Variants in METTL25 observed in about 807,000 individuals in gnomAD.
The protein encoded by METTL25 is methyltransferase like 25.
A neutral mutation model predicts 71.6 loss-of-function variants in METTL25; 64 were observed. The ratio of observed to expected loss-of-function variants is 0.89; its 90% CI spans 0.73 to 1.10. METTL25 has a LOEUF of 1.10. Among genes scored for constraint, METTL25 ranks in the 50% least tolerant of loss-of-function variants. The pLI is 0.00. For missense variants in METTL25, 807 were observed against 707.0 expected, an observed-to-expected ratio of 1.14 and a Z score of -1.60; for synonymous variants, 287 against 250.3, an observed-to-expected ratio of 1.15 and a Z score of -1.38.
At chr12:82,441,206 T>C (rs528208928) in intron 8 of METTL25, among the ~76,000 whole-genome samples, 3 of 151,996 alleles carry the variant, frequency 2.0e-5, no homozygotes, top group Non-Finnish European at 2.9e-5. Flanking sequence ...GTATTTCAGA[T>C]TATTGCTTCT....
intron 5 of METTL25, among the ~76,000 whole-genome samples, chr12:82,423,725 G>T (rs1195750810): frequency 6.6e-6 from 1 of 152,156 alleles, no homozygotes; most frequent in Non-Finnish European, 1.5e-5. Flanking sequence ...AAAAGTGGGT[G>T]AAGGATATGA....
At chr12:82,385,732 C>A (rs1312960037) in intron 1 of METTL25, among the ~76,000 whole-genome samples, 1 of 152,116 alleles carries the variant, frequency 6.6e-6, no homozygotes, top group Non-Finnish European at 1.5e-5. Flanking sequence ...AACTCACTTA[C>A]TGAAAGGAAT....
Position 82,399,201 on chromosome 12 carries a change from C to T in METTL25, c.938C>T (p.Ser313Phe), listed in dbSNP as rs980035026. 1.7e-5 allele frequency: 27 copies of T among 1,613,028 alleles called. No individual in the cohort carries two copies. The highest frequency in any genetic ancestry group is 2.7e-5 in the African/African-American group (2 of 74,798). The change falls in exon 4 of 12, where the codon TCT becomes TTT. Residue 313 changes from serine to phenylalanine, a missense_variant. By Grantham distance (155) the Ser-to-Phe change is radical (BLOSUM62 -2). Transcript: ENST00000248306. ...EENLCFENSF[S>F]LINLLPINAV... ...AATTTGTGTTTTGAAAATTCCTTTT[C>T]TCTTATAAACCTTTTGCCTATTAAT...
intron 9 of METTL25, among the ~76,000 whole-genome samples, chr12:82,457,810 T>C (rs1418968476): frequency 6.6e-6 from 1 of 152,064 alleles, no homozygotes; most frequent in Non-Finnish European, 1.5e-5. Context: ...AAATGAAGAC[T>C]CTCCTAGTTT....
rs150352724 is a variant in METTL25, at chr12:82,361,728, G to A, written c.259+2904G>A. Among the ~76,000 whole-genome samples, 1,505 of 152,294 alleles carry A rather than the reference G, an allele frequency of 9.9e-3. 24 individuals are homozygous for A. Among genetic ancestry groups the A allele is most frequent in the African/African-American group, 0.034 (1,419 of 41,562 alleles). On this transcript the variant is annotated intron_variant, in intron 1 of 11. Coordinates refer to ENST00000248306, the MANE Select transcript of METTL25 (RefSeq NM_032230.3). ...CTGCTCTGAGTGCTGGGCCTGCCAA[G>A]CCCACAACCACCCGGAACTCGCGCT...
rs540074980 is a variant in METTL25, at chr12:82,365,503, A to G, written c.259+6679A>G. 1.2e-4 allele frequency among the ~76,000 whole-genome samples: 18 copies of G among 152,352 alleles called. No individual in the cohort carries two copies. The South Asian group carries it at 3.1e-3, about 26-fold the overall frequency. On this transcript the variant is annotated intron_variant, in intron 1 of 11. Coordinates refer to ENST00000248306, the MANE Select transcript of METTL25 (RefSeq NM_032230.3). ...TTTGCTGATAGGATAAATATGACCT[A>G]TATCTTATTTTGGAGATTAAGATTT...
intron 9 of METTL25, among the ~76,000 whole-genome samples, chr12:82,467,374 A>G (rs1892300341): frequency 6.6e-6 from 1 of 151,880 alleles, no homozygotes; most frequent in South Asian, 2.1e-4. Flanking sequence ...AGTGAGTTTT[A>G]TAGTTTTCAT....
intron 8 of METTL25, among the ~76,000 whole-genome samples, chr12:82,453,303 T>C (rs1169601526): frequency 6.6e-6 from 1 of 152,184 alleles, no homozygotes; most frequent in Non-Finnish European, 1.5e-5. Context: ...ACACACACTT[T>C]GGTGTGGTGT....
intron 5 of METTL25, among the ~76,000 whole-genome samples, chr12:82,425,892 G>T (rs1055267252): frequency 1.3e-5 from 2 of 152,020 alleles, no homozygotes; most frequent in Admixed American, 1.3e-4. Flanking sequence ...AGAGATTATT[G>T]ATTCTAAAGC....
chr12:82,446,389 A>G (rs775555208), intron 8 of METTL25, among the ~76,000 whole-genome samples: 4 of 152,092 alleles, frequency 2.6e-5, no homozygotes, highest in Admixed American at 6.6e-5. Context: ...TCATCAGCAC[A>G]TGGATCATTA....
intron 6 of METTL25, among the ~76,000 whole-genome samples, chr12:82,431,736 A>T (rs2137151323): frequency 6.6e-6 from 1 of 151,710 alleles, no homozygotes; most frequent in Non-Finnish European, 1.5e-5. Flanking sequence ...GTCCCAATAA[A>T]CCCTTCATAC....
chr12:82,427,424 A>G (rs1889117987), intron 5 of METTL25, among the ~76,000 whole-genome samples: 1 of 151,928 alleles, frequency 6.6e-6, no homozygotes, highest in Non-Finnish European at 1.5e-5. Context: ...CCTTCTAATA[A>G]TATACCCTTT....
chr12:82,459,916 C>A (rs1286442274), intron 9 of METTL25: 1 of 152,234 alleles, frequency 6.6e-6, no homozygotes, highest in Non-Finnish European at 1.5e-5. Context: ...CTTCCTCTAT[C>A]AACCTGAGAA....
chr12:82,421,121 C>G (rs1230610827), intron 5 of METTL25, among the ~76,000 whole-genome samples: 1 of 152,104 alleles, frequency 6.6e-6, no homozygotes, highest in African/African-American at 2.4e-5. Flanking sequence ...CTTGGCCTCC[C>G]AAAGTGCTGG....
chr12:82,421,829 C>T (rs1888531237), intron 5 of METTL25, among the ~76,000 whole-genome samples: 1 of 152,126 alleles, frequency 6.6e-6, no homozygotes, highest in South Asian at 2.1e-4. Context: ...CACATACACC[C>T]TCCCAAGACT....
At chr12:82,406,846 A>G (rs1887141151) in intron 5 of METTL25, among the ~76,000 whole-genome samples, 1 of 152,156 alleles carries the variant, frequency 6.6e-6, no homozygotes, top group African/African-American at 2.4e-5. Flanking sequence ...TGAAAGATTC[A>G]GTAGAGGTTA....
At chr12:82,366,713 T>A (rs929873704) in intron 1 of METTL25, among the ~76,000 whole-genome samples, 1 of 152,222 alleles carries the variant, frequency 6.6e-6, no homozygotes. Flanking sequence ...GCAGAAAGTA[T>A]GTTGTTGGAA....
intron 5 of METTL25, among the ~76,000 whole-genome samples, chr12:82,424,061 A>C (rs542035489): frequency 1.4e-4 from 22 of 152,322 alleles, no homozygotes; most frequent in African/African-American, 4.6e-4. Flanking sequence ...ATTATAAATC[A>C]TGCTGCTATA....
chr12:82,371,178 A>G (rs1425680464), intron 1 of METTL25, among the ~76,000 whole-genome samples: 1 of 152,220 alleles, frequency 6.6e-6, no homozygotes, highest in African/African-American at 2.4e-5. Context: ...GGAGATTAGC[A>G]CTGAGAAGGC....
Sources: gnomAD v4.1 joint callset for allele counts (sites outside exome capture counted in the v4.1 genomes callset) on GRCh38, gnomAD v4.1.1 for gene constraint, MANE v1.5 for transcripts, NCBI Gene and HGNC (gene_info 2026-07-23, HGNC 2026-07-21) for gene names.